The following MIS18A variants were observed in gnomAD, a reference collection of about 807,000 sequenced individuals.
MIS18A encodes the protein protein Mis18-alpha.
In MIS18A, 14 loss-of-function variants were observed where a neutral mutation model predicts 25.0. The observed-to-expected ratio is 0.56, with a 90% confidence interval of 0.37 to 0.88. MIS18A has a LOEUF of 0.88. MIS18A is among the 40% of genes least tolerant of loss of function. The pLI is 0.00. For missense variants in MIS18A, 292 were observed against 290.8 expected, an observed-to-expected ratio of 1.00 and a Z score of -0.03; for synonymous variants, 134 against 118.6, an observed-to-expected ratio of 1.13 and a Z score of -0.84.
At chr21:32,188,941 CAA>C in the MIS18A span, among the ~76,000 whole-genome samples, 1 of 152,152 alleles carries the variant, frequency 6.6e-6, no homozygotes, top group African/African-American at 2.4e-5. Flanking sequence ...AGTTCCCAAT[CAA>C]ACGATTTTTA....
the MIS18A span, among the ~76,000 whole-genome samples, chr21:32,202,535 A>T: frequency 6.6e-6 from 1 of 152,228 alleles, no homozygotes; most frequent in South Asian, 2.1e-4. Flanking sequence ...GGTATCAAGT[A>T]CATTCATATT....
At chr21:32,242,311 G>C in the MIS18A span, among the ~76,000 whole-genome samples, 1 of 152,320 alleles carries the variant, frequency 6.6e-6, no homozygotes, top group South Asian at 2.1e-4. Context: ...CCTGGATATG[G>C]CCATTTCGGA....
chr21:32,205,240 G>C, the MIS18A span, among the ~76,000 whole-genome samples: 1 of 151,518 alleles, frequency 6.6e-6, no homozygotes, highest in Non-Finnish European at 1.5e-5. Context: ...GAGTAGCTGG[G>C]ACTACAGGCG....
At chr21:32,238,495 CT>C in the MIS18A span, among the ~76,000 whole-genome samples, 4 of 152,216 alleles carry the variant, frequency 2.6e-5, no homozygotes, top group African/African-American at 9.6e-5. Flanking sequence ...CTTCTACCCA[CT>C]TTAATCATAA....
chr21:32,166,306 T>C, the MIS18A span, among the ~76,000 whole-genome samples: 17 of 152,180 alleles, frequency 1.1e-4, no homozygotes, highest in East Asian at 5.8e-4. Flanking sequence ...CAGTGATAAA[T>C]TGTATTACAA....
the MIS18A span, among the ~76,000 whole-genome samples, chr21:32,175,252 T>A: frequency 6.6e-6 from 1 of 152,108 alleles, no homozygotes; most frequent in African/African-American, 2.4e-5. Context: ...AAATGGTACA[T>A]CCATATATGG....
At chr21:32,209,971 A>G in the MIS18A span, among the ~76,000 whole-genome samples, 1 of 152,328 alleles carries the variant, frequency 6.6e-6, no homozygotes, top group African/African-American at 2.4e-5. Context: ...GGACTAATAC[A>G]GAAATCAAAA....
At chr21:32,232,840 A>G in the MIS18A span, among the ~76,000 whole-genome samples, 1 of 152,208 alleles carries the variant, frequency 6.6e-6, no homozygotes, top group Non-Finnish European at 1.5e-5. Context: ...AATGTACAAC[A>G]TGAGGACTAT....
chr21:32,204,356 G>A, the MIS18A span, among the ~76,000 whole-genome samples: 2 of 152,116 alleles, frequency 1.3e-5, no homozygotes, highest in East Asian at 3.9e-4. Context: ...AATTAGCCAG[G>A]CACCGTGGCA....
At chr21:32,210,589 T>G in the MIS18A span, among the ~76,000 whole-genome samples, 1 of 152,192 alleles carries the variant, frequency 6.6e-6, no homozygotes, top group Non-Finnish European at 1.5e-5. Flanking sequence ...GAACATTGAC[T>G]TTATGATGTC....
At chr21:32,212,487 G>T in the MIS18A span, among the ~76,000 whole-genome samples, 1 of 152,136 alleles carries the variant, frequency 6.6e-6, no homozygotes, top group Non-Finnish European at 1.5e-5. Flanking sequence ...GCACCTCCAG[G>T]AGGGCTGAAA....
At chr21:32,177,593 G>A in the MIS18A span, among the ~76,000 whole-genome samples, 1 of 151,964 alleles carries the variant, frequency 6.6e-6, no homozygotes, top group African/African-American at 2.4e-5. Context: ...CAAGGTCATT[G>A]GATATAAGGT....
the MIS18A span, among the ~76,000 whole-genome samples, chr21:32,160,414 T>C: frequency 1.3e-5 from 2 of 151,952 alleles, no homozygotes; most frequent in African/African-American, 4.8e-5. Context: ...ACAGTTAATA[T>C]AGAAAGTTTA....
the MIS18A span, among the ~76,000 whole-genome samples, chr21:32,188,525 C>T: frequency 6.6e-6 from 1 of 152,224 alleles, no homozygotes; most frequent in East Asian, 1.9e-4. Context: ...CCCTTGTAAA[C>T]TCAGACCCAT....
chr21:32,242,037 C>T, the MIS18A span, among the ~76,000 whole-genome samples: 1 of 152,340 alleles, frequency 6.6e-6, no homozygotes, highest in East Asian at 1.9e-4. Context: ...CGCCACCACG[C>T]CCGGCTATAT....
chr21:32,257,972 T>C, the MIS18A span, among the ~76,000 whole-genome samples: 1 of 152,228 alleles, frequency 6.6e-6, no homozygotes, highest in Non-Finnish European at 1.5e-5. Flanking sequence ...CATAACAAGA[T>C]AGCACTGTTC....
the MIS18A span, among the ~76,000 whole-genome samples, chr21:32,178,715 T>C: frequency 3.9e-5 from 6 of 152,200 alleles, no homozygotes; most frequent in Non-Finnish European, 8.8e-5. Flanking sequence ...TTGGAATACA[T>C]TGAGCTTGTT....
chr21:32,259,007 G>A, the MIS18A span, among the ~76,000 whole-genome samples: 1 of 141,146 alleles, frequency 7.1e-6, no homozygotes, highest in African/African-American at 2.7e-5. Flanking sequence ...CAGGGTGGCT[G>A]GGACTGCAAG....
At chr21:32,158,189 T>C in the MIS18A span, among the ~76,000 whole-genome samples, 1 of 152,152 alleles carries the variant, frequency 6.6e-6, no homozygotes, top group South Asian at 2.1e-4. Context: ...TCAAAAATAA[T>C]TTTTTTCCTT....
Sources: allele counts gnomAD v4.1 joint callset (sites outside exome capture counted in the v4.1 genomes callset), GRCh38; gene constraint gnomAD v4.1.1; transcripts MANE v1.5; gene names NCBI Gene and HGNC (gene_info 2026-07-23, HGNC 2026-07-21).